MAGI3: variants seen among roughly 807,000 people sequenced by gnomAD.
The protein encoded by MAGI3 is membrane-associated guanylate kinase, WW and PDZ domain-containing protein 3.
In MAGI3, 43 loss-of-function variants were observed where a neutral mutation model predicts 121.8. The observed-to-expected ratio is 0.35, with a 90% confidence interval of 0.28 to 0.46. The LOEUF (loss-of-function observed/expected upper bound fraction) is 0.46. Among genes scored for constraint, MAGI3 ranks in the 20% least tolerant of loss-of-function variants. The probability of loss-of-function intolerance (pLI) is 1.00; values close to 1 mark genes in which losing one functional copy is unlikely to be tolerated. For missense variants in MAGI3, 1,547 were observed against 1,797.3 expected, an observed-to-expected ratio of 0.86 and a Z score of 2.52; for synonymous variants, 553 against 639.3, an observed-to-expected ratio of 0.86 and a Z score of 2.04.
At chr1:113,491,591 GT>G (rs1196802483) in intron 1 of MAGI3, among the ~76,000 whole-genome samples, 1 of 152,076 alleles carries the variant, frequency 6.6e-6, no homozygotes. Flanking sequence ...CCAGGAGCTG[GT>G]TTTTTGAAGA....
intron 1 of MAGI3, among the ~76,000 whole-genome samples, chr1:113,437,262 A>G (rs139990520): frequency 1.7e-3 from 253 of 152,100 alleles, no homozygotes; most frequent in African/African-American, 5.9e-3. Context: ...CCCCCTCCAA[A>G]ACAGGCTTGG....
At chr1:113,619,557 G>A (rs1323994910) in intron 7 of MAGI3, among the ~76,000 whole-genome samples, 179 bp from the exon 8 acceptor site, 5 of 152,156 alleles carry the variant, frequency 3.3e-5, no homozygotes, top group African/African-American at 4.8e-5. Flanking sequence ...ATCTTCTGCA[G>A]GACTTTATTT....
chr1:113,685,306 A>C lies in MAGI3; in HGVS notation c.*1292A>C, dbSNP rs1648478661. The C allele has an allele frequency of 1.3e-5, 2 of 152,394 alleles. No individual in the cohort carries two copies. The highest frequency in any genetic ancestry group is 4.1e-4 in the South Asian group (2 of 4,830). 9.4% of individuals were successfully genotyped at this position (152,394 alleles called of 1,614,324 possible). A position where few individuals can be genotyped will look rare whatever the true frequency, so the allele number is the denominator to read the frequency against. ...TAGATCCAGGTTTTTCAGTTCCCTG[A>C]AGCAGCATTCAGTAGCATCTATATA... On this transcript the variant is annotated 3_prime_UTR_variant, in exon 21 of 21. Coordinates refer to ENST00000307546, the MANE Select transcript of MAGI3 (RefSeq NM_001142782.2).
chr1:113,409,053 T>G (rs1184969607), intron 1 of MAGI3, among the ~76,000 whole-genome samples: 1 of 152,080 alleles, frequency 6.6e-6, no homozygotes, highest in Non-Finnish European at 1.5e-5. Context: ...AAATTTAAGT[T>G]AATCTGTAAA....
chr1:113,449,323 G>T (rs1308297210), intron 1 of MAGI3, among the ~76,000 whole-genome samples: 1 of 150,474 alleles, frequency 6.6e-6, no homozygotes, highest in East Asian at 2.0e-4. Context: ...CTTTGAGGCA[G>T]CAAATAAATC....
At chr1:113,400,192 G>C (rs1651328228) in intron 1 of MAGI3, among the ~76,000 whole-genome samples, 1 of 152,128 alleles carries the variant, frequency 6.6e-6, no homozygotes, top group Non-Finnish European at 1.5e-5. Context: ...GGTACTCAGA[G>C]CAGGGGTAGA....
chr1:113,679,277 C>T (rs1648069104), intron 19 of MAGI3, among the ~76,000 whole-genome samples: 1 of 151,984 alleles, frequency 6.6e-6, no homozygotes, highest in South Asian at 2.1e-4. Context: ...TCTTGTATTC[C>T]CGTGTCTGTT....
At chr1:113,615,038 TTA>T (rs1452342138) in intron 7 of MAGI3, among the ~76,000 whole-genome samples, 1 of 152,150 alleles carries the variant, frequency 6.6e-6, no homozygotes, top group Admixed American at 6.5e-5. Context: ...TGGAAGATCT[TTA>T]GGGCATTATA....
At chr1:113,459,466 A>G (rs1452489851) in intron 1 of MAGI3, among the ~76,000 whole-genome samples, 1 of 152,212 alleles carries the variant, frequency 6.6e-6, no homozygotes, top group Admixed American at 6.5e-5. Context: ...TGCACAATGA[A>G]GTTTCCTGTT....
intron 1 of MAGI3, among the ~76,000 whole-genome samples, chr1:113,523,185 G>A (rs980523132): frequency 6.6e-5 from 10 of 152,160 alleles, no homozygotes; most frequent in African/African-American, 1.4e-4. Flanking sequence ...CCCCAGCCAC[G>A]TGGAACTGTA....
At chr1:113,682,445 T>C (rs1648280713) in intron 20 of MAGI3, 1 of 1,379,456 alleles carries the variant, frequency 7.2e-7, no homozygotes, top group Non-Finnish European at 9.3e-7. Flanking sequence ...TGCAAGAGAA[T>C]TATTACAAAT....
chr1:113,649,371 C>G (rs1326582004), intron 13 of MAGI3, 43 bp downstream of exon 13: 1 of 1,404,314 alleles, frequency 7.1e-7, no homozygotes, highest in East Asian at 2.4e-5. Flanking sequence ...CCTGTTCAAA[C>G]GTTTTGAGTG....
chr1:113,483,963 T>C (rs1656232730), intron 1 of MAGI3, among the ~76,000 whole-genome samples: 1 of 152,122 alleles, frequency 6.6e-6, no homozygotes, highest in African/African-American at 2.4e-5. Flanking sequence ...TTGCAGATAT[T>C]TTACCTCCAA....
intron 2 of MAGI3, among the ~76,000 whole-genome samples, chr1:113,556,436 A>G (rs1461102815): frequency 2.0e-5 from 3 of 152,148 alleles, no homozygotes; most frequent in African/African-American, 7.2e-5. Context: ...GGAGTTTGAG[A>G]CAAGCCTGGG....
intron 4 of MAGI3, among the ~76,000 whole-genome samples, chr1:113,587,892 A>G (rs1175864314): frequency 6.6e-6 from 1 of 152,098 alleles, no homozygotes; most frequent in Non-Finnish European, 1.5e-5. Flanking sequence ...AATTTCTATC[A>G]TTTTTTCTGC....
At chr1:113,640,487 C>T (rs1409483046) in intron 9 of MAGI3, among the ~76,000 whole-genome samples, 1 of 152,120 alleles carries the variant, frequency 6.6e-6, no homozygotes, top group Non-Finnish European at 1.5e-5. Flanking sequence ...CCCAAATGCC[C>T]ATCAATGATA....
At chr1:113,511,143 T>C (rs1271214575) in intron 1 of MAGI3, among the ~76,000 whole-genome samples, 1 of 152,204 alleles carries the variant, frequency 6.6e-6, no homozygotes, top group East Asian at 1.9e-4. Context: ...ACTTTTTCCC[T>C]CTGAAAGAAC....
intron 11 of MAGI3, among the ~76,000 whole-genome samples, chr1:113,644,125 A>G (rs1652700931): frequency 6.6e-6 from 1 of 152,162 alleles, no homozygotes; most frequent in African/African-American, 2.4e-5. Flanking sequence ...AAATGTTAAG[A>G]CAGATGATAA....
chr1:113,423,814 A>G (rs973526068), intron 1 of MAGI3, among the ~76,000 whole-genome samples: 13 of 148,850 alleles, frequency 8.7e-5, no homozygotes, highest in Non-Finnish European at 1.5e-4. Flanking sequence ...TCTGTCTGCC[A>G]GGAGCCTCCC....
Sources: allele counts gnomAD v4.1 joint callset (sites outside exome capture counted in the v4.1 genomes callset), GRCh38; gene constraint gnomAD v4.1.1; transcripts MANE v1.5; gene names NCBI Gene and HGNC (gene_info 2026-07-23, HGNC 2026-07-21).